The following P4HA1 variants were observed in gnomAD, a reference collection of about 807,000 sequenced individuals.
P4HA1 encodes prolyl 4-hydroxylase subunit alpha 1, also known as prolyl 4-hydroxylase subunit alpha-1.
Under a neutral mutation model 72.8 loss-of-function variants are expected in P4HA1, and 24 were observed. The observed-to-expected ratio is 0.33, with a 90% CI of 0.24 to 0.46. The LOEUF (loss-of-function observed/expected upper bound fraction) is 0.46, where lower values mean the gene tolerates loss of function less well. P4HA1 is among the 20% of genes least tolerant of loss of function. The probability of loss-of-function intolerance (pLI) is 1.00; values close to 1 mark genes in which losing one functional copy is unlikely to be tolerated. For missense variants in P4HA1, 446 were observed against 640.6 expected, an observed-to-expected ratio of 0.70 and a Z score of 3.28; for synonymous variants, 201 against 218.8, an observed-to-expected ratio of 0.92 and a Z score of 0.72.
chr10:73,067,207 G>A (rs1049202601), intron 5 of P4HA1, among the ~76,000 whole-genome samples: 2 of 152,086 alleles, frequency 1.3e-5, no homozygotes, highest in African/African-American at 4.8e-5. Flanking sequence ...GATGAAGCCA[G>A]AAATTCCTAT....
Position 73,070,142 on chromosome 10 carries a change from C to CTTTTTTTTTTTTTT in P4HA1, c.326-1173_326-1160dup, listed in dbSNP as rs71021546. Among the ~76,000 whole-genome samples, 7 of 64,470 alleles carry CTTTTTTTTTTTTTT rather than the reference C, an allele frequency of 1.1e-4. 2 individuals carry two copies. Among genetic ancestry groups the CTTTTTTTTTTTTTT allele is most frequent in the Admixed American group, 4.5e-4 (2 of 4,470 alleles). The allele number at this position is 64,470 out of a possible 152,430, so 42.3% of individuals were successfully genotyped here. A position where few individuals can be genotyped will look rare whatever the true frequency, so the allele number is the denominator to read the frequency against. On this transcript the variant is annotated intron_variant, in intron 4 of 14. Coordinates refer to ENST00000394890, the MANE Select transcript of P4HA1 (RefSeq NM_001017962.3). The stretch of plus-strand genomic sequence containing the variant: ...TATTTTGAACAGCAAGAGACCAGGC[C>CTTTTTTTTTTTTTT]TTTTTTTTTTTTTTTTTTTTTTTTT...
chr10:73,070,142 CTTTTTTTTTTTTTTTTTTT>C (rs71021546), intron 4 of P4HA1, among the ~76,000 whole-genome samples: 3 of 64,502 alleles, frequency 4.7e-5, no homozygotes, highest in African/African-American at 1.9e-4. Flanking sequence ...GAGACCAGGC[CTTTTTTTTTTTTTTTTTTT>C]TTTTTTTTTT....
intron 1 of P4HA1, among the ~76,000 whole-genome samples, chr10:73,092,331 AT>A (rs200490574): frequency 0.024 from 3,460 of 142,658 alleles, 144 homozygotes; most frequent in African/African-American, 0.078. Context: ...ATTGTAAATA[AT>A]TTTTTTTTCT....
intron 9 of P4HA1, among the ~76,000 whole-genome samples, chr10:73,041,463 C>T (rs1359091063): frequency 6.6e-6 from 1 of 151,660 alleles, no homozygotes; most frequent in African/African-American, 2.4e-5. Flanking sequence ...ATGGCATGAA[C>T]CCAGGAGGCG....
chr10:73,077,915 G>T (rs1391747008), intron 1 of P4HA1, among the ~76,000 whole-genome samples: 1 of 151,112 alleles, frequency 6.6e-6, no homozygotes, highest in South Asian at 2.1e-4. Context: ...CTTGAGACCA[G>T]GAAGTTGAGG....
intron 9 of P4HA1, among the ~76,000 whole-genome samples, chr10:73,035,527 A>G (rs1840549223): frequency 6.6e-6 from 1 of 152,174 alleles, no homozygotes; most frequent in Non-Finnish European, 1.5e-5. Context: ...TAAAAAAACA[A>G]CAGAACACCA....
At chr10:73,051,826 G>A (rs960015719) in intron 6 of P4HA1, among the ~76,000 whole-genome samples, 1 of 152,160 alleles carries the variant, frequency 6.6e-6, no homozygotes, top group South Asian at 2.1e-4. Flanking sequence ...CTTTTACTTT[G>A]AGAATTTACT....
At chr10:73,059,560 G>T (rs1383422860) in intron 5 of P4HA1, among the ~76,000 whole-genome samples, 1 of 148,556 alleles carries the variant, frequency 6.7e-6, no homozygotes, top group Non-Finnish European at 1.5e-5. Flanking sequence ...TGGCTAACAT[G>T]GTGAAACCCC....
At chr10:73,016,334 T>G (rs1840006998) in intron 11 of P4HA1, among the ~76,000 whole-genome samples, 1 of 152,166 alleles carries the variant, frequency 6.6e-6, no homozygotes, top group Non-Finnish European at 1.5e-5. Flanking sequence ...CACTTTTCCT[T>G]GTTGTATTTG....
At chr10:73,067,533 C>G (rs1032574126) in intron 5 of P4HA1, among the ~76,000 whole-genome samples, 1 of 152,166 alleles carries the variant, frequency 6.6e-6, no homozygotes, top group Admixed American at 6.5e-5. Flanking sequence ...AAGCCAAACC[C>G]CCATATCCAC....
intron 9 of P4HA1, among the ~76,000 whole-genome samples, chr10:73,035,142 C>T (rs1381347158): frequency 6.6e-6 from 1 of 151,818 alleles, no homozygotes; most frequent in African/African-American, 2.4e-5. Flanking sequence ...CACATGGTAA[C>T]CCTAAACTTT....
intron 14 of P4HA1, chr10:73,009,522 T>C (rs80267995): frequency 0.031 from 8,813 of 282,768 alleles, 743 homozygotes; most frequent in African/African-American, 0.17. Flanking sequence ...TCCATTAGTA[T>C]GTCTCAATCA....
Position 73,026,292 on chromosome 10 carries a change from A to G in P4HA1, c.1248+3979T>C, listed in dbSNP as rs545173855. Among the ~76,000 whole-genome samples, 5 of 152,358 alleles carry G rather than the reference A, an allele frequency of 3.3e-5. No individual in the cohort carries two copies. In the East Asian group the frequency reaches 9.6e-4, roughly 29 times the overall value. Reference sequence around the variant, plus strand: ...AATAGAACAGAACAGAGGCCTCAGAAATAACAACACACATCTACAACCATC... The same window carrying G: ...AATAGAACAGAACAGAGGCCTCAGAGATAACAACACACATCTACAACCATC... On this transcript the variant is annotated intron_variant, in intron 10 of 14. Transcript: ENST00000394890.
chr10:73,058,106 AAAAAAAAAAAAAAG>A (rs1841201083), intron 5 of P4HA1, among the ~76,000 whole-genome samples: 1 of 150,476 alleles, frequency 6.6e-6, no homozygotes, highest in African/African-American at 2.4e-5. Context: ...AAAAAAAAAA[AAAAAAAAAAAAAAG>A]GTGAATAAAG....
At chr10:73,021,633 A>G (rs891705695) in intron 10 of P4HA1, among the ~76,000 whole-genome samples, 2 of 152,180 alleles carry the variant, frequency 1.3e-5, no homozygotes, top group African/African-American at 4.8e-5. Context: ...TCTCATTGGG[A>G]CTGGTTGGAC....
At chr10:73,087,537 A>C (rs945921873) in intron 1 of P4HA1, among the ~76,000 whole-genome samples, 2 of 152,146 alleles carry the variant, frequency 1.3e-5, no homozygotes, top group African/African-American at 4.8e-5. Context: ...AAGTGCTGGG[A>C]TTACAGGCAT....
intron 5 of P4HA1, among the ~76,000 whole-genome samples, chr10:73,059,872 G>A (rs971574951): frequency 2.4e-4 from 37 of 152,258 alleles, no homozygotes; most frequent in Non-Finnish European, 4.1e-4. Context: ...TTGAGCCCAG[G>A]AGTTCAAGGC....
intron 1 of P4HA1, among the ~76,000 whole-genome samples, chr10:73,082,780 G>A (rs1428771128): frequency 6.6e-6 from 1 of 152,046 alleles, no homozygotes; most frequent in East Asian, 1.9e-4. Context: ...TAATGTTTCT[G>A]ACAGTTTTCA....
chr10:73,092,664 G>C (rs549058457), intron 1 of P4HA1, among the ~76,000 whole-genome samples: 79 of 145,920 alleles, frequency 5.4e-4, no homozygotes, highest in African/African-American at 1.9e-3. Flanking sequence ...GGGCAACATA[G>C]TAAGGCCCTG....
Sources: allele counts gnomAD v4.1 joint callset (sites outside exome capture counted in the v4.1 genomes callset), GRCh38; gene constraint gnomAD v4.1.1; transcripts MANE v1.5; gene names NCBI Gene and HGNC (gene_info 2026-07-23, HGNC 2026-07-21).